NLGN1: variants seen among roughly 807,000 people sequenced by gnomAD.
The protein encoded by NLGN1 is neuroligin 1, also known as neuroligin-1.
In NLGN1, 12 loss-of-function variants were observed where a neutral mutation model predicts 65.5. The observed-to-expected ratio is 0.18, with a 90% CI of 0.12 to 0.30. The LOEUF is 0.30. NLGN1 is among the 10% of genes least tolerant of loss of function. The pLI, the probability that NLGN1 is intolerant of heterozygous loss-of-function variation, is 1.00. For synonymous variants in NLGN1, 350 were observed against 359.5 expected (o/e 0.97, Z 0.30); for missense variants, 750 against 1,007.1 (o/e 0.74, Z 3.46).
intron 4 of NLGN1, among the ~76,000 whole-genome samples, chr3:174,053,228 G>A (rs901246997): frequency 7.9e-5 from 12 of 151,976 alleles, no homozygotes; most frequent in African/African-American, 2.7e-4. Context: ...CTGAGCCTTA[G>A]TGTGCTTCTC....
chr3:173,982,045 A>C (rs866360382), intron 4 of NLGN1, among the ~76,000 whole-genome samples: 1 of 152,120 alleles, frequency 6.6e-6, no homozygotes, highest in Non-Finnish European at 1.5e-5. Flanking sequence ...AGGAATAGAA[A>C]ACATATAGTA....
chr3:174,264,516 C>T (rs1218824804), intron 4 of NLGN1, among the ~76,000 whole-genome samples: 6 of 150,630 alleles, frequency 4.0e-5, no homozygotes, highest in Non-Finnish European at 8.9e-5. Flanking sequence ...GTTCTCAAGC[C>T]TTGGTTTTCA....
chr3:174,144,602 G>A (rs541413503), intron 4 of NLGN1, among the ~76,000 whole-genome samples: 1 of 152,176 alleles, frequency 6.6e-6, no homozygotes, highest in South Asian at 2.1e-4. Flanking sequence ...TTTAATGATC[G>A]CCATTCTAGC....
chr3:173,929,782 G>A (rs375682016), intron 4 of NLGN1, among the ~76,000 whole-genome samples: 18 of 149,616 alleles, frequency 1.2e-4, no homozygotes, highest in African/African-American at 1.5e-4. Context: ...TTGGCTCACC[G>A]CAACTTCTGC....
At chr3:173,676,342 C>T (rs1365852575) in intron 3 of NLGN1, among the ~76,000 whole-genome samples, 1 of 152,026 alleles carries the variant, frequency 6.6e-6, no homozygotes, top group Non-Finnish European at 1.5e-5. Context: ...CAAACAAAGC[C>T]CTAGTAGTGG....
intron 4 of NLGN1, among the ~76,000 whole-genome samples, chr3:173,865,125 C>T (rs1269405755): frequency 1.3e-5 from 2 of 152,088 alleles, no homozygotes; most frequent in Admixed American, 1.3e-4. Context: ...AAAGTGAATG[C>T]TACTCACTGT....
intron 4 of NLGN1, among the ~76,000 whole-genome samples, chr3:173,879,998 AT>A (rs1372318048): frequency 6.6e-6 from 1 of 152,184 alleles, no homozygotes; most frequent in Non-Finnish European, 1.5e-5. Flanking sequence ...CTTTGTTTAA[AT>A]TTTATTTCTT....
chr3:174,032,995 GATCTATCTATAT>G (rs994266630), intron 4 of NLGN1, among the ~76,000 whole-genome samples: 3 of 151,628 alleles, frequency 2.0e-5, no homozygotes, highest in Admixed American at 6.6e-5. Flanking sequence ...TATAGATATA[GATCTATCTATAT>G]ATATAGATCT....
chr3:173,953,891 A>G (rs755513292), intron 4 of NLGN1, among the ~76,000 whole-genome samples: 1 of 152,064 alleles, frequency 6.6e-6, no homozygotes, highest in Non-Finnish European at 1.5e-5. Context: ...ATGGTCCCCC[A>G]TTTTACTATC....
intron 2 of NLGN1, among the ~76,000 whole-genome samples, chr3:173,573,154 A>T (rs912804809): frequency 1.4e-4 from 22 of 152,220 alleles, no homozygotes; most frequent in African/African-American, 5.1e-4. Context: ...GAAGTACAGG[A>T]GGCTTGGATT....
chr3:173,999,006 G>C (rs13078625), intron 4 of NLGN1, among the ~76,000 whole-genome samples: 1 of 152,140 alleles, frequency 6.6e-6, no homozygotes, highest in African/African-American at 2.4e-5. Flanking sequence ...CACCAACAAA[G>C]GAAACACACT....
At chr3:173,653,284 A>G (rs1759501802) in intron 3 of NLGN1, among the ~76,000 whole-genome samples, 2 of 152,170 alleles carry the variant, frequency 1.3e-5, no homozygotes, top group South Asian at 4.1e-4. Context: ...TGTGTTGCAT[A>G]GGACTGGTGT....
chr3:174,119,802 C>G (rs1717358508), intron 4 of NLGN1, among the ~76,000 whole-genome samples: 1 of 152,126 alleles, frequency 6.6e-6, no homozygotes, highest in Admixed American at 6.5e-5. Context: ...TGTGTTCAAC[C>G]CAAAGAAATT....
chr3:174,104,386 A>C (rs1235418608), intron 4 of NLGN1, among the ~76,000 whole-genome samples: 9 of 152,150 alleles, frequency 5.9e-5, no homozygotes, highest in Admixed American at 5.9e-4. Flanking sequence ...AGATGTGTGC[A>C]GTAATTCATG....
intron 3 of NLGN1, among the ~76,000 whole-genome samples, chr3:173,696,959 T>G (rs1187182691): frequency 6.6e-6 from 1 of 152,084 alleles, no homozygotes; most frequent in Non-Finnish European, 1.5e-5. Flanking sequence ...GAAGAAAAAA[T>G]TTATGACTCT....
intron 4 of NLGN1, among the ~76,000 whole-genome samples, chr3:174,144,573 AT>A (rs545884927): frequency 0.015 from 2,222 of 152,250 alleles, 55 homozygotes; most frequent in African/African-American, 0.051. Flanking sequence ...CCTCTCCAGC[AT>A]CCTTTGTTTC....
At chr3:173,970,003 A>C (rs553325713) in intron 4 of NLGN1, among the ~76,000 whole-genome samples, 2 of 152,132 alleles carry the variant, frequency 1.3e-5, no homozygotes, top group African/African-American at 4.8e-5. Context: ...ACTCTATACT[A>C]GTTCACTTAT....
intron 4 of NLGN1, among the ~76,000 whole-genome samples, chr3:173,990,448 T>C (rs1163904083): frequency 1.3e-5 from 2 of 152,228 alleles, no homozygotes; most frequent in Non-Finnish European, 2.9e-5. Context: ...GCTTGCAACT[T>C]ATTTGAAATT....
At chr3:173,927,992 G>C (rs1431974295) in intron 4 of NLGN1, among the ~76,000 whole-genome samples, 1 of 152,122 alleles carries the variant, frequency 6.6e-6, no homozygotes, top group African/African-American at 2.4e-5. Flanking sequence ...CTGAGTAGTT[G>C]AAATTCCCTA....
Sources: gnomAD v4.1 joint callset for allele counts (sites outside exome capture counted in the v4.1 genomes callset) on GRCh38, gnomAD v4.1.1 for gene constraint, MANE v1.5 for transcripts, NCBI Gene and HGNC (gene_info 2026-07-23, HGNC 2026-07-21) for gene names.